SNTB2: variants seen among roughly 807,000 people sequenced by gnomAD.
SNTB2 encodes the protein beta-2-syntrophin.
SNTB2 carries 34 observed loss-of-function variants against 46.2 expected under a neutral mutation model. The ratio of observed to expected loss-of-function variants is 0.74; its 90% CI spans 0.56 to 0.98. SNTB2 has a LOEUF of 0.98. SNTB2 is among the 50% of genes least tolerant of loss of function. The probability of loss-of-function intolerance (pLI) is 0.00; values close to 1 mark genes in which losing one functional copy is unlikely to be tolerated. For missense variants in SNTB2, 603 were observed against 731.4 expected, an observed-to-expected ratio of 0.82 and a Z score of 2.02; for synonymous variants, 290 against 312.6, an observed-to-expected ratio of 0.93 and a Z score of 0.76.
intron 2 of SNTB2, among the ~76,000 whole-genome samples, chr16:69,253,595 G>C (rs1964745728): frequency 2.0e-5 from 3 of 152,142 alleles, no homozygotes; most frequent in Non-Finnish European, 4.4e-5. Context: ...CTTGCATTGA[G>C]CCAAGATTGT....
chr16:69,249,023 CTTTTTT>C (rs34530998), intron 2 of SNTB2, among the ~76,000 whole-genome samples: 1 of 125,834 alleles, frequency 7.9e-6, no homozygotes, highest in Non-Finnish European at 1.7e-5. Flanking sequence ...TCATTTCTTT[CTTTTTT>C]TTTTTTTTTT....
chr16:69,249,297 G>T (rs564673750), intron 2 of SNTB2, among the ~76,000 whole-genome samples: 29 of 152,144 alleles, frequency 1.9e-4, no homozygotes, highest in African/African-American at 5.5e-4. Flanking sequence ...AAGTGCTGGG[G>T]TTACAGGCAT....
rs375584770 is a variant in SNTB2, at chr16:69,211,446, C to T, written c.580+23700C>T. 9.3e-5 allele frequency among the ~76,000 whole-genome samples: 14 copies of T among 150,116 alleles called. No homozygotes were observed. The East Asian group carries it at 1.6e-3, about 17-fold the overall frequency. ...TATACCTGTAGACCCAGCTACTTGG[C>T]TCAGGAGGCTGAGGTGGGAGAATCA... On this transcript the variant is annotated intron_variant, in intron 1 of 6. Coordinates refer to ENST00000336278, the MANE Select transcript of SNTB2 (RefSeq NM_006750.4).
intron 2 of SNTB2, among the ~76,000 whole-genome samples, chr16:69,257,960 A>G (rs1964795105): frequency 6.6e-6 from 1 of 152,258 alleles, no homozygotes; most frequent in Admixed American, 6.5e-5. Context: ...TTAAGAAAGG[A>G]TAGACCAACC....
At chr16:69,296,086 C>T (rs1597205119) in intron 5 of SNTB2, among the ~76,000 whole-genome samples, 1 of 151,722 alleles carries the variant, frequency 6.6e-6, no homozygotes, top group African/African-American at 2.4e-5. Context: ...TCGAGACCAG[C>T]CTGACCAACA....
chr16:69,280,748 T>C (rs896162744), intron 4 of SNTB2, among the ~76,000 whole-genome samples: 1 of 152,194 alleles, frequency 6.6e-6, no homozygotes, highest in African/African-American at 2.4e-5. Flanking sequence ...CAGTCCTGTA[T>C]CAGATATGTG....
intron 2 of SNTB2, among the ~76,000 whole-genome samples, chr16:69,255,337 C>T (rs1057360950): frequency 2.6e-5 from 4 of 151,958 alleles, no homozygotes; most frequent in East Asian, 3.9e-4. Context: ...CCAAGGTGGG[C>T]GGATCACGAG....
chr16:69,193,004 A>G lies in SNTB2; in HGVS notation c.580+5258A>G, dbSNP rs116043109. 2.6e-3 allele frequency among the ~76,000 whole-genome samples: 401 copies of G among 151,998 alleles called. 5 individuals are homozygous for G. The highest frequency in any genetic ancestry group is 8.8e-3 in the African/African-American group (365 of 41,484). On this transcript the variant is annotated intron_variant, in intron 1 of 6. Coordinates refer to ENST00000336278, the MANE Select transcript of SNTB2 (RefSeq NM_006750.4). Reference sequence around the variant, plus strand: ...GGACCCTCTTGCTTTAAAATTTGTAAGTTATCTTGAATGTGTTATGGAAAG... The same window carrying G: ...GGACCCTCTTGCTTTAAAATTTGTAGGTTATCTTGAATGTGTTATGGAAAG...
intron 5 of SNTB2, among the ~76,000 whole-genome samples, chr16:69,284,459 TAAAAAAAAAAAAAAAAAA>T (rs3087058): frequency 2.2e-5 from 1 of 45,866 alleles, no homozygotes; most frequent in South Asian, 1.2e-3. Context: ...CCGTCTTTAC[TAAAAAAAAAAAAAAAAAA>T]AAAAAAAAAA....
At chr16:69,257,546 T>C (rs1964791044) in intron 2 of SNTB2, among the ~76,000 whole-genome samples, 1 of 151,916 alleles carries the variant, frequency 6.6e-6, no homozygotes, top group Non-Finnish European at 1.5e-5. Flanking sequence ...TCCGGGTTCA[T>C]GCCATTCTTC....
chr16:69,190,838 A>C (rs1964042332), intron 1 of SNTB2, among the ~76,000 whole-genome samples: 1 of 152,174 alleles, frequency 6.6e-6, no homozygotes, highest in Admixed American at 6.5e-5. Context: ...TAGTTTCCTC[A>C]TCTGTAAAGC....
intron 1 of SNTB2, among the ~76,000 whole-genome samples, chr16:69,214,333 A>G (rs553242758): frequency 2.0e-5 from 3 of 150,126 alleles, no homozygotes; most frequent in East Asian, 4.0e-4. Flanking sequence ...TTTTCCATAT[A>G]GACAGAGTTT....
chr16:69,300,497 G>T (rs1037874211), intron 6 of SNTB2, among the ~76,000 whole-genome samples: 1 of 152,022 alleles, frequency 6.6e-6, no homozygotes, highest in South Asian at 2.1e-4. Context: ...TGATCTGCCC[G>T]CCTCAGCCTC....
At chr16:69,237,643 C>T (rs1469711579) in intron 1 of SNTB2, among the ~76,000 whole-genome samples, 1 of 134,368 alleles carries the variant, frequency 7.4e-6, no homozygotes, top group Non-Finnish European at 1.5e-5. Context: ...TGCTCTGTTA[C>T]CCAGGCTGGA....
At chr16:69,243,841 A>C (rs1165594652) in intron 1 of SNTB2, among the ~76,000 whole-genome samples, 1 of 152,204 alleles carries the variant, frequency 6.6e-6, no homozygotes, top group African/African-American at 2.4e-5. Flanking sequence ...TATGCACAAA[A>C]AGCACAGAGA....
chr16:69,197,819 G>A (rs1223170816), intron 1 of SNTB2, among the ~76,000 whole-genome samples: 1 of 152,082 alleles, frequency 6.6e-6, no homozygotes, highest in Non-Finnish European at 1.5e-5. Context: ...TTGCAGTAAG[G>A]GATGGCAACA....
intron 2 of SNTB2, among the ~76,000 whole-genome samples, chr16:69,254,900 C>T (rs1476973549): frequency 6.6e-6 from 1 of 152,116 alleles, no homozygotes; most frequent in African/African-American, 2.4e-5. Flanking sequence ...GGGAGGATCA[C>T]TTGAGACCTG....
At chr16:69,205,983 C>T (rs1358023086) in intron 1 of SNTB2, among the ~76,000 whole-genome samples, 1 of 152,108 alleles carries the variant, frequency 6.6e-6, no homozygotes, top group Non-Finnish European at 1.5e-5. Context: ...GAACTCTTTG[C>T]TCCCACTTTT....
chr16:69,241,168 C>CTTTTT (rs747664809), intron 1 of SNTB2, among the ~76,000 whole-genome samples: 11 of 59,286 alleles, frequency 1.9e-4, no homozygotes, highest in Non-Finnish European at 2.8e-4. Context: ...CCTGGATAAG[C>CTTTTT]TTTTTTTTTT....
Sources: allele counts gnomAD v4.1 joint callset (sites outside exome capture counted in the v4.1 genomes callset), GRCh38; gene constraint gnomAD v4.1.1; transcripts MANE v1.5; gene names NCBI Gene and HGNC (gene_info 2026-07-23, HGNC 2026-07-21).